PCDHGB6: variants seen among roughly 807,000 people sequenced by gnomAD.
PCDHGB6 encodes the protein protocadherin gamma-B6.
In PCDHGB6, 51 loss-of-function variants were observed where a neutral mutation model predicts 59.1. The observed-to-expected ratio is 0.86, with a 90% CI of 0.69 to 1.09. The LOEUF (loss-of-function observed/expected upper bound fraction) is 1.09. PCDHGB6 is among the 50% of genes least tolerant of loss of function. PCDHGB6 has a pLI of 0.00. For missense variants in PCDHGB6, 1,148 were observed against 1,205.1 expected (o/e 0.95, Z 0.70); for synonymous variants, 466 against 495.1 (o/e 0.94, Z 0.78).
At chr5:141,502,203 C>G (rs1562205141) in intron 2 of PCDHGB6, among the ~76,000 whole-genome samples, 1 of 152,122 alleles carries the variant, frequency 6.6e-6, no homozygotes. Context: ...ATAGAATCCA[C>G]CAGCAGATTT....
At position 141,410,640 on chromosome 5, in the gene PCDHGB6, G is replaced by A. The variant is rs747132686; in HGVS notation, c.2418+20G>A. The A allele has an allele frequency of 6.3e-7, 1 of 1,599,056 alleles. No individual in the cohort carries two copies. The highest frequency in any genetic ancestry group is 8.5e-7 in the Non-Finnish European group (1 of 1,178,856). The stretch of plus-strand genomic sequence containing the variant: ...ACTTCGGTGAGTTTCTCTTTTTTGT[G>A]TGTGATTTATCTAATAGTCTACTAG... On this transcript the variant is annotated intron_variant, in intron 1 of 3. Transcript: ENST00000520790.
chr5:141,488,428 C>A (rs1234461104), intron 1 of PCDHGB6, among the ~76,000 whole-genome samples: 1 of 152,186 alleles, frequency 6.6e-6, no homozygotes, highest in Non-Finnish European at 1.5e-5. Context: ...CATGCTTGGC[C>A]TCTGACCACC....
At chr5:141,456,224 A>ACT (rs1167290500) in intron 1 of PCDHGB6, among the ~76,000 whole-genome samples, 1 of 152,034 alleles carries the variant, frequency 6.6e-6, no homozygotes, top group Non-Finnish European at 1.5e-5. Context: ...GCGATATCAA[A>ACT]CTAACTGCTG....
chr5:141,490,910 A>G lies in PCDHGB6; in HGVS notation c.2419-3897A>G. The G allele has an allele frequency of 1.2e-6, 2 of 1,613,652 alleles. No individual in the cohort carries two copies. Among genetic ancestry groups the G allele is most frequent in the African/African-American group, 1.3e-5 (1 of 75,048 alleles). ...TCTCTGCATGTGTTTGTCCTAGACG[A>G]GAATGATAATGCCCCAGCTGTGCTG... On this transcript the variant is annotated intron_variant, in intron 1 of 3. Transcript: ENST00000520790. This position sits in a 1 kb window ranked among gnomAD's most constrained non-coding sequence, Gnocchi z 5.4.
intron 1 of PCDHGB6, chr5:141,421,032 C>A: frequency 1.9e-6 from 1 of 533,288 alleles, no homozygotes; most frequent in Non-Finnish European, 3.3e-6. Flanking sequence ...GCCATTGAGT[C>A]CCTCCCTCCC....
At position 141,450,754 on chromosome 5, in the gene PCDHGB6, C is replaced by T. The variant is rs192088793; in HGVS notation, c.2418+40134C>T. Among the ~76,000 whole-genome samples, 54 of 151,098 alleles carry T rather than the reference C, an allele frequency of 3.6e-4. 1 individual carries two copies. Among genetic ancestry groups the T allele is most frequent in the African/African-American group, 1.1e-3 (47 of 41,192 alleles). ...CGCCCGCCTTGGCCTCCCAAAGTGC[C>T]GGGATTACAGGCATGAGCCACCGTG... On this transcript the variant is annotated intron_variant, in intron 1 of 3. Transcript: ENST00000520790.
chr5:141,496,943 T>C (rs1023861484), intron 2 of PCDHGB6, among the ~76,000 whole-genome samples: 2 of 151,258 alleles, frequency 1.3e-5, no homozygotes, highest in African/African-American at 2.4e-5. Flanking sequence ...CCCAGCACTT[T>C]GGGAGGCCAA....
chr5:141,431,440 C>T lies in PCDHGB6; in HGVS notation c.2418+20820C>T. ...ACCCGGTGCGCACAGGCACCGCGCG[C>T]ATCCGCGTGATGGTTCTGGATGCGA... is the stretch of plus-strand genomic sequence containing the variant. On this transcript the variant is annotated intron_variant, in intron 1 of 3. Transcript: ENST00000520790. The surrounding 1 kb of genome is among the most constrained non-coding windows in gnomAD (Gnocchi z 4.8). 6.2e-7 allele frequency: 1 copy of T among 1,613,754 alleles called. No homozygotes were observed.
At position 141,432,360 on chromosome 5, in the gene PCDHGB6, C is replaced by T; in HGVS notation, c.2418+21740C>T. On this transcript the variant is annotated intron_variant, in intron 1 of 3. Transcript: ENST00000520790. This position sits in a 1 kb window ranked among gnomAD's most constrained non-coding sequence, Gnocchi z 6.0. Reference sequence around the variant, plus strand: ...CGAGACTTGCAAGTGAAAGTGATGGCGCGGGACAACGGGCACCCGCCCCTC... The same window carrying T: ...CGAGACTTGCAAGTGAAAGTGATGGTGCGGGACAACGGGCACCCGCCCCTC... 1.9e-6 allele frequency: 3 copies of T among 1,614,228 alleles called. No individual in the cohort carries two copies. The highest frequency in any genetic ancestry group is 1.1e-5 in the South Asian group (1 of 91,088).
chr5:141,486,559 G>A lies in PCDHGB6; in HGVS notation c.2419-8248G>A. ...CTTTCTTTCAGAGGTCACATGAGGTGTTTGTTCCTGAGAACAATCGCCCAG... is the reference window on the plus strand; with the variant it reads ...CTTTCTTTCAGAGGTCACATGAGGTATTTGTTCCTGAGAACAATCGCCCAG... On this transcript the variant is annotated intron_variant, in intron 1 of 3. Transcript: ENST00000520790. This position sits in a 1 kb window ranked among gnomAD's most constrained non-coding sequence, Gnocchi z 5.0. 6.2e-7 allele frequency: 1 copy of A among 1,614,032 alleles called. No individual in the cohort carries two copies. Among genetic ancestry groups the A allele is most frequent in the Non-Finnish European group, 8.5e-7 (1 of 1,180,022 alleles).
rs1421541308 is a variant in PCDHGB6 at position 141,409,559 on chromosome 5, G to C, written c.1357G>C (p.Asp453His). The change falls in exon 1 of 4, where the codon GAC becomes CAC. Residue 453 changes from aspartate to histidine, a missense_variant. By Grantham distance (81) the Asp-to-His change is moderately conservative. Coordinates refer to ENST00000520790, the MANE Select transcript of PCDHGB6 (RefSeq NM_018926.3). The stretch of plus-strand genomic sequence containing the variant: ...CATCAACGACAACGCCCCAGTTTTC[G>C]ACCAGACGTCCTACGTGGTCCACGT... ...ADINDNAPVFDQTSYVVHVAE... is the reference protein window; with the variant it reads ...ADINDNAPVFHQTSYVVHVAE... The C allele has an allele frequency of 1.9e-6, 3 of 1,613,936 alleles. No individual in the cohort carries two copies. The highest frequency in any genetic ancestry group is 1.7e-6 in the Non-Finnish European group (2 of 1,179,910).
intron 1 of PCDHGB6, among the ~76,000 whole-genome samples, chr5:141,469,951 T>C (rs1467717372): frequency 6.6e-6 from 1 of 152,034 alleles, no homozygotes; most frequent in African/African-American, 2.4e-5. Flanking sequence ...GCCAGCATGG[T>C]GAAACCCCAT....
chr5:141,494,677 TGCCCCCTCTTA>T, intron 1 of PCDHGB6, 119 bp from the exon 2 acceptor site: 5 of 1,552,906 alleles, frequency 3.2e-6, no homozygotes, highest in Non-Finnish European at 4.4e-6. Flanking sequence ...AGTCCACCCC[TGCCCCCTCTTA>T]GTCCGTTTTC....
rs781651287 is a variant in PCDHGB6, at chr5:141,505,380, A to G, written c.2478-13A>G. ...CCTGGGAGTCTGTGCTCACCATCCT[A>G]CTCTCTCCCCAGCTCCCAAAATGGC... On this transcript the variant is annotated splice_polypyrimidine_tract_variant and intron_variant, in intron 2 of 3. Transcript: ENST00000520790. The G allele has an allele frequency of 4.3e-6, 7 of 1,613,362 alleles. No homozygotes were observed. The African/African-American group carries it at 5.4e-5, about 12-fold the overall frequency.
At chr5:141,500,667 TC>T (rs1032555959) in intron 2 of PCDHGB6, among the ~76,000 whole-genome samples, 26 of 152,194 alleles carry the variant, frequency 1.7e-4, no homozygotes, top group African/African-American at 6.0e-4. Flanking sequence ...GGCCATACTG[TC>T]CAACAGAATT....
chr5:141,429,169 T>TACACACACACACACAC (rs10667977), intron 1 of PCDHGB6: 2 of 145,394 alleles, frequency 1.4e-5, no homozygotes, highest in East Asian at 2.0e-4. Flanking sequence ...ACATTGTTTA[T>TACACACACACACACAC]ACACACACAC....
chr5:141,415,885 C>A (rs778154458), intron 1 of PCDHGB6: 7 of 978,904 alleles, frequency 7.2e-6, no homozygotes, highest in Non-Finnish European at 9.6e-6. Context: ...ACAATATTGA[C>A]AATTCCTAAG....
At position 141,409,868 on chromosome 5, in the gene PCDHGB6, A is replaced by C. The variant is rs2095328786; in HGVS notation, c.1666A>C (p.Asn556His). ...VSLRVLVGDR[N>H]DNAPRVLYPA... ...CCTGCGCGTGTTGGTGGGAGACCGCAATGACAACGCACCGCGGGTGCTGTA... is the reference window on the plus strand; with the variant it reads ...CCTGCGCGTGTTGGTGGGAGACCGCCATGACAACGCACCGCGGGTGCTGTA... The change falls in exon 1 of 4, where the codon AAT becomes CAT. Residue 556 changes from asparagine (N) to histidine (H), a missense_variant. Asn to His is a moderately conservative substitution (Grantham distance 68). Transcript: ENST00000520790. The C allele has an allele frequency of 1.2e-6, 2 of 1,612,688 alleles. No individual in the cohort carries two copies. Among genetic ancestry groups the C allele is most frequent in the Admixed American group, 1.7e-5 (1 of 59,920 alleles).
chr5:141,420,277 A>C, intron 1 of PCDHGB6: 1 of 1,518,166 alleles, frequency 6.6e-7, no homozygotes, highest in Non-Finnish European at 8.9e-7. Flanking sequence ...TTAAACAGGT[A>C]AGTATTTAAA....
Sources: allele counts gnomAD v4.1 joint callset (sites outside exome capture counted in the v4.1 genomes callset), GRCh38; gene constraint gnomAD v4.1.1; non-coding constraint Gnocchi (gnomAD v3.1); transcripts MANE v1.5; gene names NCBI Gene and HGNC (gene_info 2026-07-23, HGNC 2026-07-21).